PATJ: variants seen among roughly 807,000 people sequenced by gnomAD.
PATJ encodes the protein PATJ crumbs cell polarity complex component.
PATJ carries 190 observed loss-of-function variants against 224.9 expected under a neutral mutation model. The observed-to-expected ratio is 0.84, with a 90% CI of 0.75 to 0.95. The LOEUF is 0.95. Ranked by LOEUF, PATJ falls within the 40% of genes least tolerant of loss-of-function variation. PATJ has a pLI of 0.00. For synonymous variants in PATJ, 769 were observed against 820.3 expected, an observed-to-expected ratio of 0.94 and a Z score of 1.07; for missense variants, 2,121 against 2,270.3, an observed-to-expected ratio of 0.93 and a Z score of 1.34.
intron 21 of PATJ, among the ~76,000 whole-genome samples, chr1:61,877,296 G>A (rs997785935): frequency 9.4e-5 from 14 of 149,262 alleles, no homozygotes; most frequent in African/African-American, 3.5e-4. Context: ...ATAGTAACCC[G>A]ATCTCTTCTC....
intron 14 of PATJ, among the ~76,000 whole-genome samples, chr1:61,812,427 A>AGTGTGTGT (rs1203727955): frequency 3.5e-5 from 4 of 112,974 alleles, no homozygotes; most frequent in African/African-American, 1.3e-4. Flanking sequence ...AGAGAGAGAG[A>AGTGTGTGT]GAGAGAGTGT....
chr1:62,148,474 A>G (rs1668301840), intron 42 of PATJ, 84 bp downstream of exon 42: 2 of 961,946 alleles, frequency 2.1e-6, no homozygotes, highest in Admixed American at 1.9e-5. Context: ...TGCACTCTAA[A>G]GGAGAAGTGG....
chr1:62,033,878 C>A (rs943965965), intron 29 of PATJ, among the ~76,000 whole-genome samples: 7 of 152,038 alleles, frequency 4.6e-5, no homozygotes, highest in Admixed American at 4.6e-4. Context: ...GCTGGAGATA[C>A]GAAGTAATAA....
rs56167585 is a variant in PATJ at position 62,150,679 on chromosome 1, GAAA to G, written c.5378+2311_5378+2313del. Reference sequence around the variant, plus strand: ...GAGACAGAACAAGACCCTGTCTCAAGAAAAAAAAAAAAAAAAAAAAAAAAGAAT... The same window carrying G: ...GAGACAGAACAAGACCCTGTCTCAAGAAAAAAAAAAAAAAAAAAAAAGAAT... On this transcript the variant is annotated intron_variant, in intron 42 of 43. Coordinates refer to ENST00000642238, the MANE Select transcript of PATJ (RefSeq NM_001350145.3). Among the ~76,000 whole-genome samples, 737 of 82,014 alleles carry G rather than the reference GAAA, an allele frequency of 9.0e-3. 2 individuals are homozygous for G. Among genetic ancestry groups the G allele is most frequent in the African/African-American group, 0.034 (675 of 19,878 alleles). 53.8% of individuals were successfully genotyped at this position (82,014 alleles called of 152,430 possible). A position where few individuals can be genotyped will look rare whatever the true frequency, so the allele number is the denominator to read the frequency against.
At chr1:61,952,954 G>A (rs1679932449) in intron 27 of PATJ, among the ~76,000 whole-genome samples, 1 of 152,136 alleles carries the variant, frequency 6.6e-6, no homozygotes, top group South Asian at 2.1e-4. Context: ...TTTCTAAATT[G>A]TAAAATAACA....
intron 31 of PATJ, among the ~76,000 whole-genome samples, chr1:62,065,187 TG>T (rs1243147522): frequency 6.6e-6 from 1 of 152,250 alleles, no homozygotes; most frequent in Admixed American, 6.5e-5. Flanking sequence ...GAAAAGCTTT[TG>T]TTTTTTTCTT....
intron 3 of PATJ, among the ~76,000 whole-genome samples, chr1:61,765,390 GT>G (rs879453782): frequency 1.7e-4 from 25 of 143,186 alleles, no homozygotes; most frequent in African/African-American, 2.0e-4. Flanking sequence ...CATTTATTCT[GT>G]TTTTTTTTTT....
At chr1:61,886,400 G>C (rs1668841932) in intron 22 of PATJ, among the ~76,000 whole-genome samples, 1 of 152,124 alleles carries the variant, frequency 6.6e-6, no homozygotes, top group Non-Finnish European at 1.5e-5. Context: ...CCCGGGGCTT[G>C]GCCACATGGA....
chr1:62,010,396 CT>C (rs1646371871), intron 28 of PATJ, among the ~76,000 whole-genome samples: 3 of 151,524 alleles, frequency 2.0e-5, no homozygotes, highest in African/African-American at 4.8e-5. Context: ...CAGGTATATT[CT>C]TTTTTTTCCT....
chr1:61,761,082 G>A (rs1022961299), intron 1 of PATJ, among the ~76,000 whole-genome samples: 2 of 152,138 alleles, frequency 1.3e-5, no homozygotes, highest in East Asian at 1.9e-4. Flanking sequence ...GGGCTCAAGC[G>A]ATCCTCTCAC....
Position 61,787,889 on chromosome 1 carries a change from G to A in PATJ, c.985G>A (p.Ala329Thr). The A allele has an allele frequency of 6.2e-7, 1 of 1,614,172 alleles. No individual in the cohort carries two copies. The highest frequency in any genetic ancestry group is 8.5e-7 in the Non-Finnish European group (1 of 1,180,034). ...SVRMLVARDP[A>T]GDISVTPPAP... Reference sequence around the variant, plus strand: ...CAGGATGCTCGTTGCTAGAGATCCAGCTGGTGACATTTCAGTCACCCCCCC... The same window carrying A: ...CAGGATGCTCGTTGCTAGAGATCCAACTGGTGACATTTCAGTCACCCCCCC... The change falls in exon 8 of 44, where the codon GCT (alanine) becomes ACT (threonine). Residue 329 changes from alanine to threonine, a missense_variant. Ala to Thr is a moderately conservative substitution (Grantham distance 58, BLOSUM62 0). Transcript: ENST00000642238.
chr1:61,787,254 T>C (rs912884871), intron 7 of PATJ, among the ~76,000 whole-genome samples: 1 of 152,240 alleles, frequency 6.6e-6, no homozygotes, highest in Non-Finnish European at 1.5e-5. Flanking sequence ...GAAAAGAAGA[T>C]GCCCTATACT....
At chr1:61,991,933 G>A (rs1558005147) in intron 28 of PATJ, among the ~76,000 whole-genome samples, 6 of 152,152 alleles carry the variant, frequency 3.9e-5, no homozygotes, top group South Asian at 2.1e-4. Flanking sequence ...ATTTGTATTC[G>A]GTATTCTTAA....
At chr1:61,937,198 AG>A (rs1263800127) in intron 27 of PATJ, among the ~76,000 whole-genome samples, 1 of 152,112 alleles carries the variant, frequency 6.6e-6, no homozygotes, top group African/African-American at 2.4e-5. Context: ...AGCCCATTTA[AG>A]AATTCAAGGA....
At chr1:61,947,559 A>G (rs1397087534) in intron 27 of PATJ, among the ~76,000 whole-genome samples, 1 of 152,226 alleles carries the variant, frequency 6.6e-6, no homozygotes, top group African/African-American at 2.4e-5. Context: ...TCAATAAAAT[A>G]AAAGACGATA....
At chr1:61,834,954 C>T (rs1404779508) in intron 17 of PATJ, among the ~76,000 whole-genome samples, 1 of 152,114 alleles carries the variant, frequency 6.6e-6, no homozygotes, top group African/African-American at 2.4e-5. Flanking sequence ...GTCTCGAACT[C>T]CTGACCTCAA....
chr1:61,759,485 C>A (rs574496580), intron 1 of PATJ, among the ~76,000 whole-genome samples: 3 of 150,980 alleles, frequency 2.0e-5, no homozygotes, highest in Non-Finnish European at 4.4e-5. Flanking sequence ...TCCCGGCTCA[C>A]TGAAACCTCC....
At chr1:62,080,572 T>C (rs1289184300) in intron 32 of PATJ, among the ~76,000 whole-genome samples, 2 of 152,148 alleles carry the variant, frequency 1.3e-5, no homozygotes, top group African/African-American at 4.8e-5. Flanking sequence ...CCTCAAGTGA[T>C]CTGCCTGCCT....
chr1:61,997,242 C>T (rs913414334), intron 28 of PATJ, among the ~76,000 whole-genome samples: 2 of 152,110 alleles, frequency 1.3e-5, no homozygotes, highest in Non-Finnish European at 2.9e-5. Context: ...ATATTGTAAG[C>T]AAGCCCTGAA....
Sources: gnomAD v4.1 joint callset for allele counts (sites outside exome capture counted in the v4.1 genomes callset) on GRCh38, gnomAD v4.1.1 for gene constraint, MANE v1.5 for transcripts, NCBI Gene and HGNC (gene_info 2026-07-23, HGNC 2026-07-21) for gene names.